VWA3B: variants seen among roughly 807,000 people sequenced by gnomAD.
VWA3B encodes the protein von Willebrand factor A domain-containing protein 3B.
A neutral mutation model predicts 158.3 loss-of-function variants in VWA3B; 138 were observed. The ratio of observed to expected loss-of-function variants is 0.87; its 90% CI spans 0.76 to 1.00. The LOEUF (loss-of-function observed/expected upper bound fraction) is 1.00. Ranked by LOEUF, VWA3B falls within the 50% of genes least tolerant of loss-of-function variation. The probability of loss-of-function intolerance (pLI) is 0.00; values close to 1 mark genes in which losing one functional copy is unlikely to be tolerated. For missense variants in VWA3B, 1,555 were observed against 1,565.1 expected (o/e 0.99, Z 0.11); for synonymous variants, 596 against 587.3 (o/e 1.01, Z -0.21).
At chr2:98,234,379 C>T (rs181068129) in intron 16 of VWA3B, among the ~76,000 whole-genome samples, 22 of 152,278 alleles carry the variant, frequency 1.4e-4, no homozygotes, top group Admixed American at 1.4e-3. Flanking sequence ...GGAAATGGGG[C>T]CTCAGTCCTA....
downstream of VWA3B, among the ~76,000 whole-genome samples, chr2:98,316,212 A>G (rs1006436211): frequency 6.6e-6 from 1 of 152,252 alleles, no homozygotes; most frequent in African/African-American, 2.4e-5. Context: ...TAGGAGAGCT[A>G]AAACAAGAAG....
chr2:98,256,041 C>T (rs1484077333), intron 20 of VWA3B, 83 bp from the exon 21 acceptor site: 1 of 1,484,696 alleles, frequency 6.7e-7, no homozygotes, highest in Admixed American at 1.8e-5. Flanking sequence ...TAGATGGGCT[C>T]CCACTGCGGT....
At chr2:98,253,656 C>T (rs1429176522) in intron 20 of VWA3B, among the ~76,000 whole-genome samples, 6 of 152,098 alleles carry the variant, frequency 3.9e-5, no homozygotes, top group Non-Finnish European at 8.8e-5. Flanking sequence ...TTTGCTGGGC[C>T]GGCTGCTTCT....
chr2:98,114,256 C>T lies in VWA3B; in HGVS notation c.197-1396C>T, dbSNP rs1293110215. Among the ~76,000 whole-genome samples the T allele has an allele frequency of 2.0e-5, 3 of 152,210 alleles. No homozygotes were observed. The East Asian group carries it at 5.8e-4, about 29-fold the overall frequency. ...ATTTCCTTCAAGCCTCAAAAAACAGCTTCCTCTCCCAACTCCAGATAAATG... is the reference window on the plus strand; with the variant it reads ...ATTTCCTTCAAGCCTCAAAAAACAGTTTCCTCTCCCAACTCCAGATAAATG... On this transcript the variant is annotated intron_variant, in intron 2 of 27. Coordinates refer to ENST00000477737, the MANE Select transcript of VWA3B (RefSeq NM_144992.5).
In VWA3B at chr2:98,194,721, T is replaced by C. The variant is rs570086216; in HGVS notation, c.1737+229T>C. 4.6e-5 allele frequency among the ~76,000 whole-genome samples: 7 copies of C among 152,350 alleles called. No individual in the cohort carries two copies. The East Asian group carries it at 1.3e-3, about 29-fold the overall frequency. On this transcript the variant is annotated intron_variant, in intron 12 of 27. Coordinates refer to ENST00000477737, the MANE Select transcript of VWA3B (RefSeq NM_144992.5). The stretch of plus-strand genomic sequence containing the variant: ...ATTCTTATCTACTCACAGTTCTCTA[T>C]TTCCAGCTCTGCCCTTGGCTCAGGT...
the VWA3B span, among the ~76,000 whole-genome samples, chr2:98,327,190 G>T: frequency 6.6e-6 from 1 of 152,108 alleles, no homozygotes; most frequent in Non-Finnish European, 1.5e-5. Context: ...CTACTTGGGA[G>T]GCTGAGGTGA....
chr2:98,088,991 T>C (rs1682071762), intron 1 of VWA3B, among the ~76,000 whole-genome samples: 1 of 152,056 alleles, frequency 6.6e-6, no homozygotes, highest in Non-Finnish European at 1.5e-5. Flanking sequence ...TGACCTCAGG[T>C]GATCCGCCCG....
chr2:98,184,688 C>G (rs1344163670), intron 9 of VWA3B, among the ~76,000 whole-genome samples: 1 of 152,232 alleles, frequency 6.6e-6, no homozygotes, highest in African/African-American at 2.4e-5. Flanking sequence ...TGAAACGTTC[C>G]CATTGGATGC....
At chr2:98,212,493 G>A (rs1007603750) in intron 13 of VWA3B, among the ~76,000 whole-genome samples, 1 of 152,080 alleles carries the variant, frequency 6.6e-6, no homozygotes, top group Admixed American at 6.5e-5. Context: ...TGTTTAGCCC[G>A]ACTGGAAAAT....
chr2:98,164,043 T>C (rs1678871505), intron 8 of VWA3B, among the ~76,000 whole-genome samples: 2 of 152,168 alleles, frequency 1.3e-5, no homozygotes, highest in South Asian at 2.1e-4. Context: ...GAGAGCTCAG[T>C]GATCGGCTCG....
intron 21 of VWA3B, among the ~76,000 whole-genome samples, chr2:98,265,538 T>C (rs1687760544): frequency 6.6e-6 from 1 of 151,988 alleles, no homozygotes; most frequent in African/African-American, 2.4e-5. Flanking sequence ...GCATGATTTA[T>C]AGACCTTTGG....
chr2:98,198,107 T>A (rs1682214734), intron 12 of VWA3B, among the ~76,000 whole-genome samples: 1 of 152,136 alleles, frequency 6.6e-6, no homozygotes, highest in Non-Finnish European at 1.5e-5. Context: ...TATCAGTCTG[T>A]ATTTATATTA....
At chr2:98,212,065 G>A in intron 13 of VWA3B, 37 bp downstream of exon 13, 1 of 1,586,652 alleles carries the variant, frequency 6.3e-7, no homozygotes, top group Non-Finnish European at 8.6e-7. Flanking sequence ...GGGCCTCACT[G>A]ATGCTCTGAA....
intron 19 of VWA3B, among the ~76,000 whole-genome samples, chr2:98,239,624 A>G (rs534998114): frequency 1.3e-5 from 2 of 151,968 alleles, no homozygotes; most frequent in Non-Finnish European, 2.9e-5. Flanking sequence ...TGTTAAGAAA[A>G]ACAGACCTGG....
chr2:98,168,555 A>G (rs936002072), intron 8 of VWA3B, among the ~76,000 whole-genome samples: 1 of 152,228 alleles, frequency 6.6e-6, no homozygotes, highest in Non-Finnish European at 1.5e-5. Flanking sequence ...ATATTTAAAA[A>G]GACGCATACT....
At chr2:98,289,866 A>G (rs1477956934) in intron 22 of VWA3B, among the ~76,000 whole-genome samples, 1 of 152,182 alleles carries the variant, frequency 6.6e-6, no homozygotes, top group Non-Finnish European at 1.5e-5. Context: ...CTTTTCTTCA[A>G]CTACTCATCC....
chr2:98,317,557 T>G (rs1466363130), downstream of VWA3B, among the ~76,000 whole-genome samples: 1 of 152,248 alleles, frequency 6.6e-6, no homozygotes. Flanking sequence ...AACTTTGGTC[T>G]CAACAACCTC....
At chr2:98,191,720 G>A (rs1368412668) in intron 10 of VWA3B, among the ~76,000 whole-genome samples, 1 of 152,114 alleles carries the variant, frequency 6.6e-6, no homozygotes, top group Non-Finnish European at 1.5e-5. Flanking sequence ...TTCTTCCTTG[G>A]CTTCAGTAGT....
chr2:98,234,509 T>C, intron 16 of VWA3B, 139 bp from the exon 17 acceptor site: 1 of 1,285,358 alleles, frequency 7.8e-7, no homozygotes, highest in Non-Finnish European at 1.1e-6. Context: ...AGCATTCAGT[T>C]TGTGGCAGCA....
Sources: allele counts gnomAD v4.1 joint callset (sites outside exome capture counted in the v4.1 genomes callset), GRCh38; gene constraint gnomAD v4.1.1; transcripts MANE v1.5; gene names NCBI Gene and HGNC (gene_info 2026-07-23, HGNC 2026-07-21).